ABHD8: variants seen among roughly 807,000 people sequenced by gnomAD.
ABHD8 encodes protein ABHD8.
Under a neutral mutation model 29.3 loss-of-function variants are expected in ABHD8, and 10 were observed. The ratio of observed to expected loss-of-function variants is 0.34; its 90% confidence interval spans 0.21 to 0.58. The LOEUF (loss-of-function observed/expected upper bound fraction) is 0.58, where lower values mean the gene tolerates loss of function less well. Among genes scored for constraint, ABHD8 ranks in the 20% least tolerant of loss-of-function variants. The pLI, the probability that ABHD8 is intolerant of heterozygous loss-of-function variation, is 0.85. For missense variants in ABHD8, 556 were observed against 615.3 expected (o/e 0.90, Z 1.02); for synonymous variants, 282 against 274.6 (o/e 1.03, Z -0.27).
Position 17,292,318 on chromosome 19 carries a change from C to G in ABHD8, c.*343G>C. ...GGGGCTCGTGGGTCCCAGGATCAAG[C>G]ACGGCTGACACGGAAGACAGCGGGG... On this transcript the variant is annotated 3_prime_UTR_variant, in exon 5 of 5. Coordinates refer to ENST00000247706, the MANE Select transcript of ABHD8 (RefSeq NM_024527.5). 1 of 393,434 alleles carries G rather than the reference C, an allele frequency of 2.5e-6. No individual in the cohort carries two copies. The highest frequency in any genetic ancestry group is 4.5e-6 in the Non-Finnish European group (1 of 221,204). 24.4% of individuals were successfully genotyped at this position (393,434 alleles called of 1,614,324 possible).
In ABHD8 at chr19:17,301,488, C is replaced by G. The variant is rs1304968406; in HGVS notation, c.129G>C (p.Val43=). The G allele has an allele frequency of 6.2e-7, 1 of 1,611,600 alleles. No homozygotes were observed. Among genetic ancestry groups the G allele is most frequent in the African/African-American group, 1.3e-5 (1 of 74,934 alleles). ...CGGGTCCTGCATGCTTCACCCGCAG[C>G]ACGCGGCCGGGCTTGACCTCTACAA... ...YTFVEVKPGR[V]LRVKHAGPAP... The change falls in exon 2 of 5, where the codon GTG becomes GTC. Residue 43 remains valine (V), a synonymous_variant. Coordinates refer to ENST00000247706, the MANE Select transcript of ABHD8 (RefSeq NM_024527.5).
At chr19:17,298,746 T>C (rs2074104004) in intron 2 of ABHD8, among the ~76,000 whole-genome samples, 1 of 146,254 alleles carries the variant, frequency 6.8e-6, no homozygotes, top group Non-Finnish European at 1.5e-5. Flanking sequence ...TTTTTTTTTT[T>C]TTTTTTTTTT....
chr19:17,292,892 C>T (rs1373582130), intron 4 of ABHD8, 61 bp from the exon 5 acceptor site: 2 of 1,544,652 alleles, frequency 1.3e-6, no homozygotes, highest in Non-Finnish European at 1.8e-6. Flanking sequence ...GGCCAGGCTT[C>T]CCTGGGACTC....
At position 17,301,619 on chromosome 19, in the gene ABHD8, T is replaced by G; in HGVS notation, c.-3A>C. On this transcript the variant is annotated 5_prime_UTR_variant, in exon 2 of 5. Coordinates refer to ENST00000247706, the MANE Select transcript of ABHD8 (RefSeq NM_024527.5). ...CCGTCGGTCACCCCGGTCAGCATGG[T>G]GTGTCCTGTGAGTGAGGACAGCAGC... 1 of 1,539,974 alleles carries G rather than the reference T, an allele frequency of 6.5e-7. No homozygotes were observed. Among genetic ancestry groups the G allele is most frequent in the Non-Finnish European group, 8.7e-7 (1 of 1,145,120 alleles).
In ABHD8 at chr19:17,297,474, T is replaced by C. The variant is rs544835936; in HGVS notation, c.762-2629A>G. On this transcript the variant is annotated intron_variant, in intron 2 of 4. Transcript: ENST00000247706. ...CCATACCCAGCTACTTTTTGTATTT[T>C]TATTAGAGACGGGGTTTCACCATTT... 6.6e-5 allele frequency among the ~76,000 whole-genome samples: 10 copies of C among 152,160 alleles called. No individual in the cohort carries two copies. In the South Asian group the frequency reaches 2.1e-3, roughly 32 times the overall value.
In ABHD8 at chr19:17,292,686, G is replaced by A; in HGVS notation, c.1295C>T (p.Pro432Leu). Residue 432 changes from proline to leucine, a missense_variant, in exon 5 of 5, where the codon CCG becomes CTG. Pro to Leu is a moderately conservative substitution (Grantham distance 98). Coordinates refer to ENST00000247706, the MANE Select transcript of ABHD8 (RefSeq NM_024527.5). ...PSPKALPEPL[P>L]APPEDKK The stretch of plus-strand genomic sequence containing the variant: ...CTACTTCTTGTCTTCTGGAGGCGCC[G>A]GCAGTGGCTCCGGTAGAGCCTTGGG... The A allele has an allele frequency of 1.2e-6, 2 of 1,611,840 alleles. No individual in the cohort carries two copies. Among genetic ancestry groups the A allele is most frequent in the East Asian group, 2.2e-5 (1 of 44,814 alleles).
intron 1 of ABHD8, 46 bp from the exon 2 acceptor site, chr19:17,301,670 A>G (rs1462158121): frequency 1.3e-6 from 2 of 1,483,754 alleles, no homozygotes; most frequent in Non-Finnish European, 1.8e-6. Context: ...CTCAATGAGA[A>G]CCCTGCACCG....
intron 2 of ABHD8, among the ~76,000 whole-genome samples, chr19:17,295,554 GCAC>G (rs2074090761): frequency 6.6e-6 from 1 of 151,954 alleles, no homozygotes; most frequent in African/African-American, 2.4e-5. Flanking sequence ...GTACAGGCAT[GCAC>G]CACCACACCT....
chr19:17,297,276 G>A (rs1599523552), intron 2 of ABHD8, among the ~76,000 whole-genome samples: 1 of 152,044 alleles, frequency 6.6e-6, no homozygotes, highest in Non-Finnish European at 1.5e-5. Context: ...GGGAACTATT[G>A]TAGGTGGGTG....
intron 2 of ABHD8, 60 bp downstream of exon 2, chr19:17,300,796 G>T: frequency 1.3e-6 from 2 of 1,511,092 alleles, no homozygotes; most frequent in South Asian, 1.3e-5. Context: ...AGTATTTTGT[G>T]ACTGTAGTCC....
In ABHD8 at chr19:17,301,097, C is replaced by T. The variant is rs757891883; in HGVS notation, c.520G>A (p.Ala174Thr). ...KRITSCKGAQ[A>T]DVVLFFIHGV... is the part of the protein sequence containing the mutation. ...TGGATGAAAAAGAGCACCACGTCGG[C>T]CTGGGCGCCTTTGCAGCTAGTGATG... The change falls in exon 2 of 5, where the codon GCC becomes ACC. Residue 174 changes from alanine (A) to threonine (T), a missense_variant. By Grantham distance (58) the Ala-to-Thr change is moderately conservative (BLOSUM62 0). Coordinates refer to ENST00000247706, the MANE Select transcript of ABHD8 (RefSeq NM_024527.5). 1 of 1,613,396 alleles carries T rather than the reference C, an allele frequency of 6.2e-7. No homozygotes were observed. The highest frequency in any genetic ancestry group is 8.5e-7 in the Non-Finnish European group (1 of 1,180,018).
chr19:17,293,123 T>G (rs1332216039), intron 4 of ABHD8, among the ~76,000 whole-genome samples: 1 of 143,068 alleles, frequency 7.0e-6, no homozygotes, highest in African/African-American at 2.6e-5. Context: ...TGAGACAGAG[T>G]CTTGCTCTGT....
chr19:17,292,770 C>T lies in ABHD8; in HGVS notation c.1211G>A (p.Cys404Tyr). 1 of 1,613,760 alleles carries T rather than the reference C, an allele frequency of 6.2e-7. No individual in the cohort carries two copies. Among genetic ancestry groups the T allele is most frequent in the Non-Finnish European group, 8.5e-7 (1 of 1,179,908 alleles). Residue 404 changes from cysteine (C) to tyrosine (Y), a missense_variant, in exon 5 of 5, where the codon TGC becomes TAC. By Grantham distance (194) the Cys-to-Tyr change is radical. Coordinates refer to ENST00000247706, the MANE Select transcript of ABHD8 (RefSeq NM_024527.5). The stretch of plus-strand genomic sequence containing the variant: ...GAGCAGCGTGTTGACCGTCTCAGGG[C>T]ATTCCAGCATCACCATGTGGCTGCC... ...DEGSHMVMLECPETVNTLLHE... is the reference protein window; with the variant it reads ...DEGSHMVMLEYPETVNTLLHE...
Position 17,294,407 on chromosome 19 carries a change from C to G in ABHD8, c.1030G>C (p.Gly344Arg). 1.2e-6 allele frequency: 2 copies of G among 1,614,054 alleles called. No homozygotes were observed. The highest frequency in any genetic ancestry group is 1.7e-6 in the Non-Finnish European group (2 of 1,180,002). ...SSFVLRAMMSGQYWPEGDEVY... is the reference protein window; with the variant it reads ...SSFVLRAMMSRQYWPEGDEVY... ...TCGTCGCCCTCGGGCCAGTACTGGCCGCTCATCATGGCCCGGAGTACGAAG... is the reference window on the plus strand; with the variant it reads ...TCGTCGCCCTCGGGCCAGTACTGGCGGCTCATCATGGCCCGGAGTACGAAG... Residue 344 changes from glycine (G) to arginine (R), a missense_variant, in exon 4 of 5, where the codon GGC becomes CGC. Physicochemically the swap from Gly to Arg is moderately radical, Grantham distance 125. Transcript: ENST00000247706.
At chr19:17,295,090 ATTT>A (rs779607230) in intron 2 of ABHD8, among the ~76,000 whole-genome samples, 6 of 80,414 alleles carry the variant, frequency 7.5e-5, no homozygotes, top group African/African-American at 3.0e-4. Flanking sequence ...CACCCAGGTA[ATTT>A]TTTTTTTTTT....
In ABHD8 at chr19:17,298,364, T is replaced by A. The variant is rs952122156; in HGVS notation, c.761+2492A>T. Reference sequence around the variant, plus strand: ...CAAGCCCTGGGGACCAAGCCTTCCATGGAGGGGTTCTTGGTAAGTTTTAGG... The same window carrying A: ...CAAGCCCTGGGGACCAAGCCTTCCAAGGAGGGGTTCTTGGTAAGTTTTAGG... On this transcript the variant is annotated intron_variant, in intron 2 of 4. Coordinates refer to ENST00000247706, the MANE Select transcript of ABHD8 (RefSeq NM_024527.5). 4.6e-5 allele frequency: 7 copies of A among 152,138 alleles called. No individual in the cohort carries two copies. The East Asian group carries it at 1.3e-3, about 29-fold the overall frequency. The allele number at this position is 152,138 out of a possible 1,614,324, so 9.4% of individuals were successfully genotyped here.
chr19:17,301,302 G>A lies in ABHD8; in HGVS notation c.315C>T (p.His105=), dbSNP rs200372628. Reference sequence around the variant, plus strand: ...GCGGCTCCCCAGAGCCATTCTGCCCGTGTAGGAGGTCGGCTCGAGGGGCTC... The same window carrying A: ...GCGGCTCCCCAGAGCCATTCTGCCCATGTAGGAGGTCGGCTCGAGGGGCTC... ...LGRAPRADLL[H]GQNGSGEPPA... Residue 105 remains histidine (H), a synonymous_variant, in exon 2 of 5, where the codon CAC becomes CAT. Coordinates refer to ENST00000247706, the MANE Select transcript of ABHD8 (RefSeq NM_024527.5). 50 of 1,607,268 alleles carry A rather than the reference G, an allele frequency of 3.1e-5. No individual in the cohort carries two copies. In the East Asian group the frequency reaches 1.0e-3, roughly 32 times the overall value.
chr19:17,292,874 T>C, intron 4 of ABHD8, 43 bp from the exon 5 acceptor site: 2 of 1,585,396 alleles, frequency 1.3e-6, no homozygotes, highest in Non-Finnish European at 1.7e-6. Flanking sequence ...GGCAAGAGGG[T>C]GGAGAGAGGC....
At chr19:17,298,733 T>C (rs1656371820) in intron 2 of ABHD8, among the ~76,000 whole-genome samples, 1 of 133,700 alleles carries the variant, frequency 7.5e-6, no homozygotes, top group Non-Finnish European at 1.6e-5. Context: ...TGAACAACAC[T>C]GCTTTTTTTT....
Sources: gnomAD v4.1 joint callset for allele counts (sites outside exome capture counted in the v4.1 genomes callset) on GRCh38, gnomAD v4.1.1 for gene constraint, MANE v1.5 for transcripts, NCBI Gene and HGNC (gene_info 2026-07-23, HGNC 2026-07-21) for gene names.